The following ABCA12 variants were observed in gnomAD, a reference collection of about 807,000 sequenced individuals.
The protein encoded by ABCA12 is ATP binding cassette subfamily A member 12.
ABCA12 carries 156 observed loss-of-function variants against 293.5 expected under a neutral mutation model. The observed-to-expected ratio is 0.53, with a 90% CI of 0.47 to 0.61. The LOEUF (loss-of-function observed/expected upper bound fraction) is 0.61, where lower values mean the gene tolerates loss of function less well. Among genes scored for constraint, ABCA12 ranks in the 20% least tolerant of loss-of-function variants. The pLI, the probability that ABCA12 is intolerant of heterozygous loss-of-function variation, is 0.00. For synonymous variants in ABCA12, 1,063 were observed against 1,108.0 expected (o/e 0.96, Z 0.81); for missense variants, 2,797 against 3,090.2 (o/e 0.91, Z 2.25).
chr2:215,025,280 T>C (rs549386545), intron 11 of ABCA12: 38 of 176,392 alleles, frequency 2.2e-4, no homozygotes, highest in Admixed American at 4.1e-4. Context: ...AAAATACCAT[T>C]ATATAACATC....
chr2:214,949,076 G>A lies in ABCA12; in HGVS notation c.6926C>T (p.Pro2309Leu). The A allele has an allele frequency of 6.2e-7, 1 of 1,613,782 alleles. No individual in the cohort carries two copies. Among genetic ancestry groups the A allele is most frequent in the Non-Finnish European group, 8.5e-7 (1 of 1,179,900 alleles). Residue 2309 changes from proline (P) to leucine (L), a missense_variant, in exon 46 of 53, where the codon CCT (proline) becomes CTT (leucine). By Grantham distance (98) the Pro-to-Leu change is moderately conservative. Coordinates refer to ENST00000272895, the MANE Select transcript of ABCA12 (RefSeq NM_173076.3). ...IFKMLTGDII[P>L]SSGNILIRNK... ...TCTGATCAGAATGTTTCCACTTGAA[G>A]GAATGATGTCTCCTGTCAGCATCTT...
intron 1 of ABCA12, among the ~76,000 whole-genome samples, chr2:215,135,683 A>T (rs1235042062): frequency 6.6e-6 from 1 of 152,196 alleles, no homozygotes; most frequent in Non-Finnish European, 1.5e-5. Flanking sequence ...CCTCAAATTC[A>T]TATGTACCTT....
chr2:215,035,297 G>A (rs980653592), intron 8 of ABCA12, among the ~76,000 whole-genome samples: 1 of 152,182 alleles, frequency 6.6e-6, no homozygotes, highest in African/African-American at 2.4e-5. Flanking sequence ...CAAAAGGTAA[G>A]TGTATCAAAT....
rs761888408 is a variant in ABCA12 at position 215,045,912 on chromosome 2, A to G, written c.797T>C (p.Leu266Pro). ...VQEQKAVWQL[L>P]SSFPNVFQND... ...CTGAAACACATTTGGAAAACTAGAC[A>G]GAAGCTGCCACACAGCTTTCTGCTC... The change falls in exon 7 of 53, where the codon CTG becomes CCG. Residue 266 changes from leucine (L) to proline (P), a missense_variant. Physicochemically the swap from Leu to Pro is moderately conservative, Grantham distance 98. Transcript: ENST00000272895. The G allele has an allele frequency of 1.7e-5, 27 of 1,613,610 alleles. No homozygotes were observed. The highest frequency in any genetic ancestry group is 2.1e-5 in the Non-Finnish European group (25 of 1,179,782).
At chr2:214,990,585 C>A in intron 24 of ABCA12, 117 bp downstream of exon 24, 1 of 1,060,272 alleles carries the variant, frequency 9.4e-7, no homozygotes, top group Non-Finnish European at 1.4e-6. Flanking sequence ...GCTTACTTTG[C>A]TTTCACTGAA....
Position 214,990,726 on chromosome 2 carries a change from C to T in ABCA12, c.3600G>A (p.Leu1200=), listed in dbSNP as rs1176175229. 1 of 1,613,870 alleles carries T rather than the reference C, an allele frequency of 6.2e-7. No individual in the cohort carries two copies. The highest frequency in any genetic ancestry group is 1.3e-5 in the African/African-American group (1 of 74,888). The change falls in exon 24 of 53, where the codon TTG becomes TTA. Residue 1200 remains leucine, a synonymous_variant. Transcript: ENST00000272895. The stretch of plus-strand genomic sequence containing the variant: ...CCATGAACACTTTCAATACATAGCT[C>T]AACTCATTCTCCACTGTAACCAGAA... ...FIVLVTVENE[L]SYVLKVFMSL... is the part of the protein sequence containing the mutation.
chr2:214,971,128 T>TC (rs1401179281), intron 36 of ABCA12, among the ~76,000 whole-genome samples: 1 of 152,134 alleles, frequency 6.6e-6, no homozygotes, highest in African/African-American at 2.4e-5. Flanking sequence ...ATTTTCAGTG[T>TC]AGCTTCTCAT....
At position 215,026,897 on chromosome 2, in the gene ABCA12, A is replaced by G; in HGVS notation, c.1103T>C (p.Ile368Thr). The change falls in exon 10 of 53, where the codon ATA (isoleucine) becomes ACA (threonine). Residue 368 changes from isoleucine (I) to threonine (T), a missense_variant. This residue lies in a region of ABCA12 where 656 missense variants were observed against 638.2 expected (regional missense o/e 1.03). Transcript: ENST00000272895. Reference protein sequence around the residue: ...LENFEDALLNISANSPYIPYL... With the variant: ...LENFEDALLNTSANSPYIPYL... ...AGGAATATAAGGACTATTTGCTGAT[A>G]TATTTAAGAGGGCATCTTCAAAGTT... 6.2e-7 allele frequency: 1 copy of G among 1,613,346 alleles called. No homozygotes were observed. Among genetic ancestry groups the G allele is most frequent in the Non-Finnish European group, 8.5e-7 (1 of 1,179,278 alleles).
intron 51 of ABCA12, among the ~76,000 whole-genome samples, chr2:214,936,296 G>T (rs560773830): frequency 1.3e-5 from 2 of 152,208 alleles, no homozygotes; most frequent in Non-Finnish European, 2.9e-5. Context: ...TACCAGATTT[G>T]GTACTATCTA....
chr2:215,084,750 A>C (rs529143071), intron 2 of ABCA12, among the ~76,000 whole-genome samples: 1 of 152,210 alleles, frequency 6.6e-6, no homozygotes, highest in Non-Finnish European at 1.5e-5. Flanking sequence ...TATGTATGCC[A>C]TACCATATAT....
At chr2:215,103,631 T>A (rs1409841038) in intron 2 of ABCA12, among the ~76,000 whole-genome samples, 1 of 152,152 alleles carries the variant, frequency 6.6e-6, no homozygotes, top group Non-Finnish European at 1.5e-5. Flanking sequence ...AATGACAAGA[T>A]ACTAGATTAG....
At chr2:214,936,863 A>AAG (rs1553518657) in intron 51 of ABCA12, among the ~76,000 whole-genome samples, 2 of 152,072 alleles carry the variant, frequency 1.3e-5, no homozygotes, top group African/African-American at 4.8e-5. Context: ...TCAGTTCCCT[A>AAG]ATATATATAA....
At chr2:214,958,903 A>T in intron 40 of ABCA12, 121 bp downstream of exon 40, 1 of 1,107,314 alleles carries the variant, frequency 9.0e-7, no homozygotes. Context: ...TCAGTGACAT[A>T]TTACCAGCCC....
At chr2:215,115,645 G>A (rs182343482) in intron 1 of ABCA12, among the ~76,000 whole-genome samples, 1 of 152,278 alleles carries the variant, frequency 6.6e-6, no homozygotes, top group East Asian at 1.9e-4. Flanking sequence ...AATAGTTTAT[G>A]ATTCCTTAGT....
At chr2:215,064,027 C>G in intron 3 of ABCA12, 39 bp downstream of exon 3, 3 of 1,611,834 alleles carry the variant, frequency 1.9e-6, no homozygotes, top group South Asian at 1.1e-5. Context: ...AAGATTTGAT[C>G]TCTCAGAACA....
At chr2:215,040,679 G>A (rs1318035299) in intron 7 of ABCA12, among the ~76,000 whole-genome samples, 1 of 152,118 alleles carries the variant, frequency 6.6e-6, no homozygotes, top group Admixed American at 6.5e-5. Context: ...GGGTGTGGTG[G>A]TGCATGCCTG....
At chr2:214,943,389 C>T (rs963462118) in intron 49 of ABCA12, among the ~76,000 whole-genome samples, 2 of 151,976 alleles carry the variant, frequency 1.3e-5, no homozygotes, top group Non-Finnish European at 2.9e-5. Context: ...AAGTGATCCT[C>T]CTGCCTTGGA....
At chr2:215,113,283 T>C (rs1237480064) in intron 1 of ABCA12, among the ~76,000 whole-genome samples, 1 of 152,238 alleles carries the variant, frequency 6.6e-6, no homozygotes, top group Admixed American at 6.5e-5. Flanking sequence ...TTGGGTATAA[T>C]GGTAAGTTTT....
intron 51 of ABCA12, among the ~76,000 whole-genome samples, chr2:214,937,274 C>T (rs1698249990): frequency 6.6e-6 from 1 of 152,228 alleles, no homozygotes; most frequent in African/African-American, 2.4e-5. Flanking sequence ...TCTTGACTCA[C>T]TGCAACCTCT....
Sources: gnomAD v4.1 joint callset for allele counts (sites outside exome capture counted in the v4.1 genomes callset) on GRCh38, gnomAD v4.1.1 for gene constraint, gnomAD v4.1.1 regional missense constraint, MANE v1.5 for transcripts, NCBI Gene and HGNC (gene_info 2026-07-23, HGNC 2026-07-21) for gene names.